WWOX: variants seen among roughly 807,000 people sequenced by gnomAD.
WWOX encodes WW domain containing oxidoreductase, also known as WW domain-containing oxidoreductase.
Under a neutral mutation model 46.2 loss-of-function variants are expected in WWOX, and 69 were observed. The ratio of observed to expected loss-of-function variants is 1.49; its 90% CI spans 1.23 to 1.82. The LOEUF (loss-of-function observed/expected upper bound fraction) is 1.82, where lower values mean the gene tolerates loss of function less well. WWOX is among the 40% of genes most tolerant of loss of function. The pLI is 0.00. For missense variants in WWOX, 919 were observed against 542.6 expected (o/e 1.69, Z -6.89); for synonymous variants, 359 against 202.6 (o/e 1.77, Z -6.56).
chr16:78,342,351 C>T (rs994943197), intron 5 of WWOX, among the ~76,000 whole-genome samples: 1 of 120,874 alleles, frequency 8.3e-6, no homozygotes, highest in African/African-American at 2.8e-5. Context: ...CACAACCACT[C>T]GTGAAGGCAG....
chr16:78,828,714 C>A (rs878999953), intron 8 of WWOX, among the ~76,000 whole-genome samples: 1 of 152,044 alleles, frequency 6.6e-6, no homozygotes, highest in Non-Finnish European at 1.5e-5. Flanking sequence ...CTGTATTAAT[C>A]GTAGTTAGCA....
intron 8 of WWOX, among the ~76,000 whole-genome samples, chr16:78,571,500 C>T (rs139524990): frequency 6.6e-6 from 1 of 152,104 alleles, no homozygotes; most frequent in Non-Finnish European, 1.5e-5. Flanking sequence ...TTTTAAAGGG[C>T]AAGTGCCTTA....
chr16:79,023,992 A>T (rs1041946048), intron 8 of WWOX, among the ~76,000 whole-genome samples: 29 of 152,188 alleles, frequency 1.9e-4, no homozygotes, highest in African/African-American at 7.0e-4. Context: ...AAGTGAAAGA[A>T]ACCAGATGCA....
chr16:78,170,808 C>G lies in WWOX; in HGVS notation c.516+6519C>G, dbSNP rs117232230. Among the ~76,000 whole-genome samples, 743 of 152,300 alleles carry G rather than the reference C, an allele frequency of 4.9e-3. 4 individuals carry two copies. The highest frequency in any genetic ancestry group is 8.8e-3 in the Non-Finnish European group (602 of 68,028). ...AGGAACAGCAAGCAATGGTTTATAT[C>G]AAAATGATTATTGAGAAAGCAGAGA... On this transcript the variant is annotated intron_variant, in intron 5 of 8. Transcript: ENST00000566780.
intron 5 of WWOX, among the ~76,000 whole-genome samples, chr16:78,297,583 T>G (rs551544683): frequency 2.6e-4 from 40 of 152,324 alleles, no homozygotes; most frequent in African/African-American, 8.4e-4. Context: ...GAATAAATGT[T>G]TATTGAACAA....
chr16:78,859,777 A>G (rs986269303), intron 8 of WWOX, among the ~76,000 whole-genome samples: 1 of 152,190 alleles, frequency 6.6e-6, no homozygotes. Flanking sequence ...CAAAGGATGG[A>G]CATCGATAGT....
intron 8 of WWOX, among the ~76,000 whole-genome samples, chr16:78,998,067 G>A (rs549242392): frequency 2.6e-5 from 4 of 152,146 alleles, no homozygotes; most frequent in East Asian, 1.9e-4. Flanking sequence ...GTAAAGACAG[G>A]GTTTCTCCCT....
intron 8 of WWOX, among the ~76,000 whole-genome samples, chr16:79,136,462 C>A (rs2049983710): frequency 6.6e-6 from 1 of 152,160 alleles, no homozygotes; most frequent in South Asian, 2.1e-4. Flanking sequence ...ATCTCCTGAC[C>A]TCATGATCCA....
intron 5 of WWOX, among the ~76,000 whole-genome samples, chr16:78,224,424 A>C (rs1001301160): frequency 2.0e-5 from 3 of 151,922 alleles, no homozygotes; most frequent in South Asian, 4.2e-4. Context: ...AAGCCAGCCA[A>C]AAAAAGAAAA....
intron 5 of WWOX, among the ~76,000 whole-genome samples, chr16:78,284,819 T>C (rs1488861837): frequency 6.6e-6 from 1 of 152,230 alleles, no homozygotes; most frequent in Non-Finnish European, 1.5e-5. Context: ...CTAACAGCTT[T>C]TTCCTTTATC....
intron 8 of WWOX, among the ~76,000 whole-genome samples, chr16:78,948,063 G>T (rs150599650): frequency 2.6e-5 from 4 of 152,346 alleles, no homozygotes; most frequent in East Asian, 1.9e-4. Flanking sequence ...AAGGCAGCCT[G>T]TGCCGTCAGA....
chr16:78,713,271 C>T (rs1166268080), intron 8 of WWOX, among the ~76,000 whole-genome samples: 1 of 72,442 alleles, frequency 1.4e-5, no homozygotes, highest in African/African-American at 8.3e-5. Flanking sequence ...GAGACTCTGT[C>T]TCAAAAAAAA....
At chr16:78,393,868 T>C (rs2082230210) in intron 6 of WWOX, among the ~76,000 whole-genome samples, 1 of 152,112 alleles carries the variant, frequency 6.6e-6, no homozygotes, top group Admixed American at 6.5e-5. Flanking sequence ...AAGGTTAAAA[T>C]AACGGTTTTG....
At chr16:78,179,545 C>G (rs1040395097) in intron 5 of WWOX, among the ~76,000 whole-genome samples, 1 of 152,026 alleles carries the variant, frequency 6.6e-6, no homozygotes, top group Non-Finnish European at 1.5e-5. Flanking sequence ...AATTGGATGG[C>G]TTATTAAATT....
intron 5 of WWOX, among the ~76,000 whole-genome samples, chr16:78,309,303 A>T (rs1443512443): frequency 6.6e-6 from 1 of 152,124 alleles, no homozygotes; most frequent in Non-Finnish European, 1.5e-5. Context: ...CGCTTTGTGA[A>T]CCTGGTGCTT....
intron 8 of WWOX, among the ~76,000 whole-genome samples, chr16:78,814,657 G>C (rs1039024366): frequency 6.6e-6 from 1 of 152,194 alleles, no homozygotes; most frequent in African/African-American, 2.4e-5. Context: ...CCTTAGACCT[G>C]GGAGAAACCA....
intron 5 of WWOX, among the ~76,000 whole-genome samples, chr16:78,341,548 T>G (rs1294872200): frequency 1.7e-5 from 2 of 120,412 alleles, no homozygotes; most frequent in East Asian, 1.9e-4. Flanking sequence ...ACCATAAGTT[T>G]CTTGGTGTCT....
At chr16:78,466,225 G>T (rs559978853) in intron 8 of WWOX, among the ~76,000 whole-genome samples, 2 of 151,942 alleles carry the variant, frequency 1.3e-5, no homozygotes, top group African/African-American at 4.8e-5. Context: ...TAGAGACGGG[G>T]TTTCATCGTG....
At chr16:78,412,922 C>T (rs535841093) in intron 6 of WWOX, among the ~76,000 whole-genome samples, 1 of 152,080 alleles carries the variant, frequency 6.6e-6, no homozygotes, top group Non-Finnish European at 1.5e-5. Context: ...CTCTTCCCAG[C>T]CCTTGTCTTT....
Sources: allele counts gnomAD v4.1 joint callset (sites outside exome capture counted in the v4.1 genomes callset), GRCh38; gene constraint gnomAD v4.1.1; transcripts MANE v1.5; gene names NCBI Gene and HGNC (gene_info 2026-07-23, HGNC 2026-07-21).